NIBAN1: variants seen among roughly 807,000 people sequenced by gnomAD.
NIBAN1 encodes niban apoptosis regulator 1, also known as protein Niban 1.
In NIBAN1, 81 loss-of-function variants were observed where a neutral mutation model predicts 75.1. The ratio of observed to expected loss-of-function variants is 1.08; its 90% CI spans 0.90 to 1.30. The LOEUF (loss-of-function observed/expected upper bound fraction) is 1.30, where lower values mean the gene tolerates loss of function less well. Among genes scored for constraint, NIBAN1 ranks in the 50% most tolerant of loss-of-function variants. The pLI, the probability that NIBAN1 is intolerant of heterozygous loss-of-function variation, is 0.00. For synonymous variants in NIBAN1, 436 were observed against 424.8 expected (o/e 1.03, Z -0.32); for missense variants, 1,133 against 1,128.1 (o/e 1.00, Z -0.06).
chr1:184,974,232 C>A (rs1297648093), intron 1 of NIBAN1, 70 bp downstream of exon 1: 1 of 1,411,732 alleles, frequency 7.1e-7, no homozygotes, highest in Non-Finnish European at 9.2e-7. Flanking sequence ...CCCCTTGGGG[C>A]CCCGACCGCG....
intron 1 of NIBAN1, among the ~76,000 whole-genome samples, chr1:184,943,288 G>C (rs955197171): frequency 6.6e-6 from 1 of 152,074 alleles, no homozygotes; most frequent in Non-Finnish European, 1.5e-5. Flanking sequence ...AAAACAAGGG[G>C]TTTAGCCTGA....
intron 5 of NIBAN1, among the ~76,000 whole-genome samples, chr1:184,883,435 G>A (rs908306715): frequency 1.1e-4 from 16 of 152,192 alleles, no homozygotes; most frequent in African/African-American, 3.9e-4. Context: ...CACAGAGTAA[G>A]CCCTCAGTAC....
rs943356120 is a variant in NIBAN1, at chr1:184,794,704, C to T, written c.*273G>A. ...AGTCTTCCCTGCAATACTATTCCCT[C>T]CTCAGACATCCTCAGCTCCCTCTCA... is the stretch of plus-strand genomic sequence containing the variant. On this transcript the variant is annotated 3_prime_UTR_variant, in exon 14 of 14. Coordinates refer to ENST00000367511, the MANE Select transcript of NIBAN1 (RefSeq NM_052966.4). 2 of 529,462 alleles carry T rather than the reference C, an allele frequency of 3.8e-6. No homozygotes were observed. Among genetic ancestry groups the T allele is most frequent in the Non-Finnish European group, 6.8e-6 (2 of 294,442 alleles). 32.8% of individuals were successfully genotyped at this position (529,462 alleles called of 1,614,324 possible).
intron 8 of NIBAN1, among the ~76,000 whole-genome samples, chr1:184,822,520 TC>T (rs542188074): frequency 2.7e-3 from 406 of 152,248 alleles, no homozygotes; most frequent in African/African-American, 8.7e-3. Flanking sequence ...CCAATATGGC[TC>T]AAGGGCTTCA....
chr1:184,970,418 T>C (rs1005465470), intron 1 of NIBAN1, among the ~76,000 whole-genome samples: 1 of 152,144 alleles, frequency 6.6e-6, no homozygotes, highest in African/African-American at 2.4e-5. Flanking sequence ...CCACACTAAG[T>C]AGACTACAGA....
intron 1 of NIBAN1, among the ~76,000 whole-genome samples, chr1:184,910,768 T>C (rs1277649406): frequency 3.9e-5 from 6 of 152,162 alleles, no homozygotes; most frequent in African/African-American, 1.4e-4. Flanking sequence ...ACGGGTGGAC[T>C]GAGTAAAGCC....
chr1:184,953,108 G>A (rs997187952), intron 1 of NIBAN1, among the ~76,000 whole-genome samples: 2 of 152,224 alleles, frequency 1.3e-5, no homozygotes, highest in Non-Finnish European at 2.9e-5. Flanking sequence ...ACCAGTTGTT[G>A]AGAGTCCATG....
intron 1 of NIBAN1, among the ~76,000 whole-genome samples, chr1:184,918,360 T>A (rs988756320): frequency 1.3e-5 from 2 of 152,178 alleles, no homozygotes; most frequent in African/African-American, 4.8e-5. Context: ...ACTCTTCACA[T>A]CACGGCAAAG....
intron 8 of NIBAN1, 62 bp downstream of exon 8, chr1:184,823,105 G>A: frequency 6.4e-7 from 1 of 1,552,454 alleles, no homozygotes; most frequent in East Asian, 2.3e-5. Context: ...TTCCTGCTAT[G>A]TGGTGGATCC....
rs931051816 is a variant in NIBAN1, at chr1:184,793,058, A to G, written c.*1919T>C. The G allele has an allele frequency of 2.6e-5, 4 of 152,226 alleles. No individual in the cohort carries two copies. Among genetic ancestry groups the G allele is most frequent in the African/African-American group, 9.6e-5 (4 of 41,458 alleles). The allele number at this position is 152,226 out of a possible 1,614,324, so 9.4% of individuals were successfully genotyped here. Reference sequence around the variant, plus strand: ...TAAACACGCCAAGAAAAGTTGCAACAATTAAATATGATATTATACATATAC... The same window carrying G: ...TAAACACGCCAAGAAAAGTTGCAACGATTAAATATGATATTATACATATAC... On this transcript the variant is annotated 3_prime_UTR_variant, in exon 14 of 14. Transcript: ENST00000367511.
At chr1:184,950,614 T>C (rs534341382) in intron 1 of NIBAN1, among the ~76,000 whole-genome samples, 167 of 152,348 alleles carry the variant, frequency 1.1e-3, no homozygotes, top group African/African-American at 3.6e-3. Context: ...TGCTTGTTCA[T>C]CTAAAGGCTA....
intron 9 of NIBAN1, among the ~76,000 whole-genome samples, chr1:184,816,162 T>C (rs1225142107): frequency 6.6e-6 from 1 of 152,180 alleles, no homozygotes; most frequent in Non-Finnish European, 1.5e-5. Flanking sequence ...TAATTTTAGG[T>C]GATTTGGTTT....
chr1:184,872,346 G>A (rs1378408845), intron 5 of NIBAN1, among the ~76,000 whole-genome samples: 1 of 151,640 alleles, frequency 6.6e-6, no homozygotes, highest in Non-Finnish European at 1.5e-5. Context: ...AGAACTGAAT[G>A]ACAGAGCACA....
chr1:184,934,685 A>G (rs954156787), intron 1 of NIBAN1, among the ~76,000 whole-genome samples: 5 of 152,102 alleles, frequency 3.3e-5, no homozygotes, highest in African/African-American at 9.7e-5. Context: ...TCACGAGGTC[A>G]GGAGTTTGAG....
chr1:184,796,915 T>C (rs915100750), intron 13 of NIBAN1, among the ~76,000 whole-genome samples: 2 of 152,194 alleles, frequency 1.3e-5, no homozygotes, highest in Non-Finnish European at 1.5e-5. Context: ...AAAGTGCCCA[T>C]GGTGGGCTGG....
rs769733220 is a variant in NIBAN1 at position 184,795,457 on chromosome 1, G to A, written c.2307C>T (p.Ser769=). The change falls in exon 14 of 14, where the codon AGC becomes AGT. Residue 769 remains serine (S), a synonymous_variant. Coordinates refer to ENST00000367511, the MANE Select transcript of NIBAN1 (RefSeq NM_052966.4). The part of the protein sequence containing the change: ...HPDNCEESEV[S]EREAQPPCPE... ...GACAGGGAGGTTGGGCCTCCCTCTC[G>A]CTGACTTCACTTTCTTCACAGTTGT... 20 of 1,608,954 alleles carry A rather than the reference G, an allele frequency of 1.2e-5. No homozygotes were observed. The highest frequency in any genetic ancestry group is 4.5e-5 in the East Asian group (2 of 44,866).
intron 4 of NIBAN1, among the ~76,000 whole-genome samples, chr1:184,886,518 A>G (rs950546206): frequency 2.6e-5 from 4 of 152,074 alleles, no homozygotes; most frequent in Admixed American, 6.6e-5. Context: ...TGGGACTTTT[A>G]CCTCTTCCCT....
intron 5 of NIBAN1, among the ~76,000 whole-genome samples, chr1:184,882,349 T>C (rs915199850): frequency 6.6e-6 from 1 of 152,154 alleles, no homozygotes; most frequent in African/African-American, 2.4e-5. Context: ...TGGTACATCA[T>C]GCTGTCAAAA....
intron 5 of NIBAN1, among the ~76,000 whole-genome samples, chr1:184,865,244 G>A (rs1571529813): frequency 6.6e-6 from 1 of 152,068 alleles, no homozygotes; most frequent in East Asian, 1.9e-4. Context: ...CAAAGAAAAT[G>A]TGGTATATAT....
Sources: allele counts gnomAD v4.1 joint callset (sites outside exome capture counted in the v4.1 genomes callset), GRCh38; gene constraint gnomAD v4.1.1; transcripts MANE v1.5; gene names NCBI Gene and HGNC (gene_info 2026-07-23, HGNC 2026-07-21).